Variants in INO80 observed in about 807,000 individuals in gnomAD.
INO80 encodes the protein INO80 complex ATPase subunit.
A neutral mutation model predicts 203.4 loss-of-function variants in INO80; 20 were observed. The ratio of observed to expected loss-of-function variants is 0.10; its 90% CI spans 0.07 to 0.14. The LOEUF (loss-of-function observed/expected upper bound fraction) is 0.14. Ranked by LOEUF, INO80 falls within the 10% of genes least tolerant of loss-of-function variation. The pLI, the probability that INO80 is intolerant of heterozygous loss-of-function variation, is 1.00. For missense variants in INO80, 1,419 were observed against 1,914.4 expected (o/e 0.74, Z 4.83); for synonymous variants, 726 against 685.2 (o/e 1.06, Z -0.93).
At chr15:41,069,919 T>C (rs944351228) in intron 13 of INO80, among the ~76,000 whole-genome samples, 9 of 152,234 alleles carry the variant, frequency 5.9e-5, no homozygotes, top group African/African-American at 2.2e-4. Flanking sequence ...AAAGCATTCA[T>C]GACACACTGA....
At chr15:41,090,284 GAGC>G (rs1162237194) in intron 5 of INO80, among the ~76,000 whole-genome samples, 1 of 152,110 alleles carries the variant, frequency 6.6e-6, no homozygotes, top group African/African-American at 2.4e-5. Flanking sequence ...TATAGAAACA[GAGC>G]AGATTGGGCT....
chr15:40,983,119 A>G, intron 34 of INO80, 42 bp from the exon 35 acceptor site: 1 of 1,508,724 alleles, frequency 6.6e-7, no homozygotes, highest in Non-Finnish European at 9.1e-7. Context: ...AAAAAAAAAA[A>G]AGTCAATCTC....
intron 24 of INO80, among the ~76,000 whole-genome samples, chr15:41,034,167 T>C (rs1382570677): frequency 6.6e-6 from 1 of 152,212 alleles, no homozygotes; most frequent in Non-Finnish European, 1.5e-5. Flanking sequence ...ATGTGTATCA[T>C]CCTGAAGCTA....
At chr15:41,078,393 T>C (rs2045437085) in intron 9 of INO80, among the ~76,000 whole-genome samples, 1 of 152,150 alleles carries the variant, frequency 6.6e-6, no homozygotes, top group Non-Finnish European at 1.5e-5. Context: ...ATAGGCCAAG[T>C]TGCCTGCAAA....
intron 24 of INO80, among the ~76,000 whole-genome samples, chr15:41,029,240 T>TAA (rs2044423051): frequency 1.3e-5 from 2 of 152,248 alleles, no homozygotes; most frequent in Admixed American, 1.3e-4. Flanking sequence ...ACTCTGAGGA[T>TAA]AATTTGTTCA....
At chr15:40,988,986 G>A (rs1319691387) in intron 29 of INO80, among the ~76,000 whole-genome samples, 1 of 150,724 alleles carries the variant, frequency 6.6e-6, no homozygotes, top group East Asian at 2.0e-4. Flanking sequence ...CTGCACTCCA[G>A]CCTGGGCGAC....
In INO80 at chr15:41,045,432, T is replaced by C. The variant is rs556377522; in HGVS notation, c.2736-357A>G. Among the ~76,000 whole-genome samples, 5 of 151,916 alleles carry C rather than the reference T, an allele frequency of 3.3e-5. No homozygotes were observed. In the South Asian group the frequency reaches 1.0e-3, roughly 32 times the overall value. Reference sequence around the variant, plus strand: ...GGCAAAATACAGTCTCTACTAAAACTACAAAAGGGCGTGGTGTCAGGCACC... The same window carrying C: ...GGCAAAATACAGTCTCTACTAAAACCACAAAAGGGCGTGGTGTCAGGCACC... On this transcript the variant is annotated intron_variant, in intron 23 of 35. Coordinates refer to ENST00000648947, the MANE Select transcript of INO80 (RefSeq NM_017553.3).
chr15:41,056,208 G>A (rs2044982452), intron 17 of INO80, among the ~76,000 whole-genome samples: 2 of 151,962 alleles, frequency 1.3e-5, no homozygotes, highest in African/African-American at 4.8e-5. Flanking sequence ...GACCTCCCAA[G>A]TTGTTGGGAT....
intron 26 of INO80, 22 bp from the exon 27 acceptor site, chr15:41,016,237 G>C: frequency 1.2e-6 from 2 of 1,611,132 alleles, no homozygotes; most frequent in South Asian, 2.2e-5. Context: ...AAAAGGGGGT[G>C]AGGGGGAACT....
chr15:41,019,676 A>G (rs768276745), intron 26 of INO80: 6 of 152,230 alleles, frequency 3.9e-5, no homozygotes, highest in Admixed American at 2.6e-4. Context: ...TTCAAACAAT[A>G]TATTTCCACT....
chr15:41,076,352 T>C (rs938706905), intron 9 of INO80, among the ~76,000 whole-genome samples: 1 of 149,968 alleles, frequency 6.7e-6, no homozygotes, highest in Non-Finnish European at 1.5e-5. Context: ...AGAGCAAGAC[T>C]CTGTCTCAAA....
At chr15:40,987,006 G>A in intron 31 of INO80, 85 bp downstream of exon 31, 2 of 719,402 alleles carry the variant, frequency 2.8e-6, no homozygotes, top group East Asian at 2.6e-5. Flanking sequence ...ACAGCCTCTG[G>A]CTTTGCCTAC....
At chr15:41,091,329 G>A (rs1243524490) in intron 5 of INO80, among the ~76,000 whole-genome samples, 1 of 152,120 alleles carries the variant, frequency 6.6e-6, no homozygotes, top group Non-Finnish European at 1.5e-5. Context: ...CAAAGTGCTG[G>A]GATTACAGGC....
intron 28 of INO80, among the ~76,000 whole-genome samples, chr15:41,004,266 T>C (rs2044005044): frequency 6.6e-6 from 1 of 150,918 alleles, no homozygotes; most frequent in Non-Finnish European, 1.5e-5. Flanking sequence ...GGTGTGTAGT[T>C]TTAACTTAGG....
Position 41,061,288 on chromosome 15 carries a change from A to G in INO80, c.1783-1362T>C, listed in dbSNP as rs139684145. ...GCACTCCAGCCTGGGCAACAGAGCAAGACTTTGTTTCAAAAAAATAAATAA... is the reference window on the plus strand; with the variant it reads ...GCACTCCAGCCTGGGCAACAGAGCAGGACTTTGTTTCAAAAAAATAAATAA... On this transcript the variant is annotated intron_variant, in intron 14 of 35. Transcript: ENST00000648947. Among the ~76,000 whole-genome samples the G allele has an allele frequency of 6.2e-4, 95 of 152,054 alleles. 2 individuals carry two copies. Among genetic ancestry groups the G allele is most frequent in the African/African-American group, 2.3e-3 (94 of 41,476 alleles).
chr15:41,005,959 T>TTA (rs1555398849), intron 27 of INO80, among the ~76,000 whole-genome samples: 103 of 131,426 alleles, frequency 7.8e-4, no homozygotes, highest in African/African-American at 2.4e-3. Flanking sequence ...TAGGTTTCAT[T>TTA]AAAAAAAAAA....
At chr15:41,105,522 C>T (rs150847361) in intron 1 of INO80, among the ~76,000 whole-genome samples, 3 of 152,174 alleles carry the variant, frequency 2.0e-5, no homozygotes, top group African/African-American at 4.8e-5. Flanking sequence ...AACAGAAGTG[C>T]GCCAAGATTG....
At chr15:41,024,553 G>A (rs563545379) in intron 25 of INO80, 1 of 152,338 alleles carries the variant, frequency 6.6e-6, no homozygotes, top group African/African-American at 2.4e-5. Context: ...GCCCCCTTAA[G>A]CGTTCAGCGC....
rs532696619 is a variant in INO80, at chr15:41,061,328, C to T, written c.1783-1402G>A. On this transcript the variant is annotated intron_variant, in intron 14 of 35. Transcript: ENST00000648947. ...AAAATAAATAAATAAAAGTTTAGGC[C>T]GGGCACAGTGGCTCACACCTGGAAT... Among the ~76,000 whole-genome samples the T allele has an allele frequency of 6.8e-5, 10 of 147,018 alleles. No individual in the cohort carries two copies. In the South Asian group the frequency reaches 1.5e-3, roughly 22 times the overall value.
Sources: gnomAD v4.1 joint callset for allele counts (sites outside exome capture counted in the v4.1 genomes callset) on GRCh38, gnomAD v4.1.1 for gene constraint, MANE v1.5 for transcripts, NCBI Gene and HGNC (gene_info 2026-07-23, HGNC 2026-07-21) for gene names.